Variants in HS6ST2 observed in about 807,000 individuals in gnomAD.
HS6ST2 encodes the protein heparan sulfate 6-O-sulfotransferase 2, also known as heparan-sulfate 6-O-sulfotransferase 2.
A neutral mutation model predicts 33.0 loss-of-function variants in HS6ST2; 17 were observed. The observed-to-expected ratio is 0.52, with a 90% CI of 0.35 to 0.77. The LOEUF (loss-of-function observed/expected upper bound fraction) is 0.77. Ranked by LOEUF, HS6ST2 falls within the 30% of genes least tolerant of loss-of-function variation. HS6ST2 has a pLI of 0.01. For synonymous variants in HS6ST2, 248 were observed against 237.1 expected (o/e 1.05, Z -0.42); for missense variants, 519 against 551.7 (o/e 0.94, Z 0.59).
Position 132,957,013 on chromosome X carries a change from G to T in HS6ST2, c.742C>A (p.Arg248Ser). ...GGTTFGRHLV[R>S]NIQLEQPCEC... ...CACGGCTGCTCCAGCTGGATGTTAC[G>T]CACCAAGTGGCGGCCGAAAGTGGTG... is the stretch of plus-strand genomic sequence containing the variant. Residue 248 changes from arginine to serine, a missense_variant, in exon 2 of 5, where the codon CGT (arginine) becomes AGT (serine). By Grantham distance (110) the Arg-to-Ser change is moderately radical. Transcript: ENST00000370833. 1 of 1,211,696 alleles carries T rather than the reference G, an allele frequency of 8.3e-7. No homozygotes were observed. The highest frequency in any genetic ancestry group is 1.1e-6 in the Non-Finnish European group (1 of 895,312).
chrX:132,842,715 G>A (rs1007840945), intron 2 of HS6ST2, among the ~76,000 whole-genome samples: 9 of 111,573 alleles, frequency 8.1e-5, no homozygotes, highest in Admixed American at 2.9e-4. Context: ...AGCCTCTGAA[G>A]GAGATAGATC....
chrX:132,899,120 G>T (rs888249610), intron 2 of HS6ST2, among the ~76,000 whole-genome samples: 4 of 111,496 alleles, frequency 3.6e-5, no homozygotes, highest in Admixed American at 1.9e-4. Context: ...TAAAAATCAA[G>T]CCTCAAAAGG....
intron 2 of HS6ST2, among the ~76,000 whole-genome samples, chrX:132,857,229 T>C (rs1391747644): frequency 8.9e-6 from 1 of 112,257 alleles, no homozygotes; most frequent in Non-Finnish European, 1.9e-5. Flanking sequence ...CTCACGCCTG[T>C]AATCCCAGCA....
chrX:132,712,792 G>A (rs758208005), intron 2 of HS6ST2, among the ~76,000 whole-genome samples: 15 of 111,550 alleles, frequency 1.3e-4, no homozygotes, highest in African/African-American at 4.9e-4. Context: ...TTGGGAGGCG[G>A]AGCAGATGGA....
chrX:132,795,771 T>C (rs886547046), intron 2 of HS6ST2, among the ~76,000 whole-genome samples: 14 of 110,867 alleles, frequency 1.3e-4, no homozygotes, highest in East Asian at 8.5e-4. Context: ...TATGCCTGGC[T>C]AACTTTTGTA....
intron 2 of HS6ST2, among the ~76,000 whole-genome samples, chrX:132,843,523 G>A (rs943353048): frequency 4.5e-5 from 5 of 111,395 alleles, no homozygotes; most frequent in African/African-American, 1.3e-4. Context: ...TAAAAAAGTG[G>A]GTATAAATAG....
At chrX:132,642,340 C>G (rs994574226) in intron 4 of HS6ST2, among the ~76,000 whole-genome samples, 7 of 111,173 alleles carry the variant, frequency 6.3e-5, no homozygotes, top group African/African-American at 2.3e-4. Context: ...AAAAGTTTTC[C>G]CCCTAAATGA....
At chrX:132,831,816 C>T (rs1238686813) in intron 2 of HS6ST2, among the ~76,000 whole-genome samples, 1 of 112,095 alleles carries the variant, frequency 8.9e-6, no homozygotes, top group African/African-American at 3.2e-5. Context: ...CAAAGTAGAA[C>T]AAGGCAGCTG....
At chrX:132,942,323 G>GT (rs1464353330) in intron 2 of HS6ST2, among the ~76,000 whole-genome samples, 1 of 111,952 alleles carries the variant, frequency 8.9e-6, no homozygotes, top group Non-Finnish European at 1.9e-5. Flanking sequence ...GCCTCTGGTT[G>GT]TTTTTTTATG....
At chrX:132,867,865 A>C (rs1044379898) in intron 2 of HS6ST2, among the ~76,000 whole-genome samples, 2 of 111,889 alleles carry the variant, frequency 1.8e-5, no homozygotes, top group Non-Finnish European at 3.8e-5. Context: ...ACTATGAAGA[A>C]ACTGCATCAA....
intron 4 of HS6ST2, among the ~76,000 whole-genome samples, chrX:132,668,096 G>A (rs975238001): frequency 8.9e-6 from 1 of 112,040 alleles, no homozygotes; most frequent in African/African-American, 3.2e-5. Context: ...CTTTCACTTT[G>A]GGAATTGAAT....
intron 2 of HS6ST2, among the ~76,000 whole-genome samples, chrX:132,902,083 C>T (rs952983304): frequency 9.1e-6 from 1 of 110,123 alleles, no homozygotes. Flanking sequence ...TACTACCAGA[C>T]CAGTGACACA....
At chrX:132,817,360 G>A (rs991150650) in intron 2 of HS6ST2, among the ~76,000 whole-genome samples, 3 of 110,668 alleles carry the variant, frequency 2.7e-5, no homozygotes, top group Non-Finnish European at 3.8e-5. Context: ...GAGTTACCTA[G>A]CCCATACTCA....
At chrX:132,805,946 C>T (rs2065278072) in intron 2 of HS6ST2, among the ~76,000 whole-genome samples, 1 of 110,021 alleles carries the variant, frequency 9.1e-6, no homozygotes, top group South Asian at 3.8e-4. Flanking sequence ...ATATTAATAT[C>T]AATATCATTC....
intron 2 of HS6ST2, among the ~76,000 whole-genome samples, chrX:132,862,557 C>G (rs2065922721): frequency 8.9e-6 from 1 of 112,364 alleles, no homozygotes; most frequent in African/African-American, 3.2e-5. Context: ...CATGTCAATA[C>G]CATAGCTACT....
intron 2 of HS6ST2, among the ~76,000 whole-genome samples, chrX:132,901,484 G>A (rs2066425507): frequency 9.0e-6 from 1 of 111,336 alleles, no homozygotes; most frequent in Non-Finnish European, 1.9e-5. Flanking sequence ...TAGACAGCAA[G>A]CAAAGAGTTT....
chrX:132,716,545 A>G (rs909848843), intron 2 of HS6ST2, among the ~76,000 whole-genome samples: 1 of 112,354 alleles, frequency 8.9e-6, no homozygotes, highest in Non-Finnish European at 1.9e-5. Flanking sequence ...TCTTCAACTG[A>G]AACTTGACAA....
At chrX:132,641,449 AT>A (rs1306224490) in intron 4 of HS6ST2, among the ~76,000 whole-genome samples, 1 of 112,467 alleles carries the variant, frequency 8.9e-6, no homozygotes. Context: ...ACCCAGCAAT[AT>A]TTGGTTTTCT....
chrX:132,718,865 G>GTCTC lies in HS6ST2; in HGVS notation c.948-10375_948-10372dup, dbSNP rs201499423. ...AAAGAGAAGTTGGCAGACAGATCAG[G>GTCTC]TCTCTCTCTCTCTCTCTCTCTCTTT... On this transcript the variant is annotated intron_variant, in intron 2 of 4. Coordinates refer to ENST00000370833, the MANE Select transcript of HS6ST2 (RefSeq NM_001394073.1). 2.0e-3 allele frequency among the ~76,000 whole-genome samples: 213 copies of GTCTC among 107,079 alleles called. 3 individuals are homozygous for GTCTC. The highest frequency in any genetic ancestry group is 9.9e-3 in the Middle Eastern group (2 of 203). 93.0% of individuals were successfully genotyped at this position (107,079 alleles called of 115,157 possible). A position where few individuals can be genotyped will look rare whatever the true frequency, so the allele number is the denominator to read the frequency against.
Sources: gnomAD v4.1 joint callset for allele counts (sites outside exome capture counted in the v4.1 genomes callset) on GRCh38, gnomAD v4.1.1 for gene constraint, MANE v1.5 for transcripts, NCBI Gene and HGNC (gene_info 2026-07-23, HGNC 2026-07-21) for gene names.